NTRK2: variants seen among roughly 807,000 people sequenced by gnomAD.
NTRK2 encodes the protein BDNF/NT-3 growth factors receptor.
In NTRK2, 13 loss-of-function variants were observed where a neutral mutation model predicts 94.5. The ratio of observed to expected loss-of-function variants is 0.14; its 90% confidence interval spans 0.09 to 0.22. The LOEUF (loss-of-function observed/expected upper bound fraction) is 0.22. NTRK2 is among the 10% of genes least tolerant of loss of function. NTRK2 has a pLI of 1.00. For missense variants in NTRK2, 639 were observed against 1,071.2 expected (o/e 0.60, Z 5.63); for synonymous variants, 372 against 407.4 (o/e 0.91, Z 1.05).
At chr9:84,919,600 C>G (rs529661907) in intron 14 of NTRK2, among the ~76,000 whole-genome samples, 2 of 152,226 alleles carry the variant, frequency 1.3e-5, no homozygotes, top group South Asian at 4.2e-4. Context: ...CATTTTAATG[C>G]TCAAATAAAA....
At chr9:84,931,861 T>G (rs2078048467) in intron 14 of NTRK2, among the ~76,000 whole-genome samples, 1 of 152,176 alleles carries the variant, frequency 6.6e-6, no homozygotes, top group South Asian at 2.1e-4. Context: ...GGCAGCTAAT[T>G]ATCTGCAAGA....
intron 12 of NTRK2, among the ~76,000 whole-genome samples, chr9:84,856,658 G>A (rs2131946781): frequency 6.6e-6 from 1 of 152,184 alleles, no homozygotes; most frequent in Admixed American, 6.5e-5. Context: ...AGTGGGTGTG[G>A]GCCTAAGAAG....
chr9:84,860,939 C>G, intron 12 of NTRK2, 101 bp from the exon 13 acceptor site: 3 of 537,854 alleles, frequency 5.6e-6, no homozygotes, highest in East Asian at 3.5e-5. Flanking sequence ...TTATTTTTGT[C>G]GGGGGGAGTT....
chr9:84,850,561 A>T (rs1160638240), intron 12 of NTRK2, among the ~76,000 whole-genome samples: 2 of 152,196 alleles, frequency 1.3e-5, no homozygotes, highest in East Asian at 1.9e-4. Flanking sequence ...ATAAACCATT[A>T]TGTTCACCAA....
chr9:84,791,242 T>C (rs1228750519), intron 12 of NTRK2, among the ~76,000 whole-genome samples: 1 of 152,132 alleles, frequency 6.6e-6, no homozygotes, highest in Non-Finnish European at 1.5e-5. Context: ...ATTTCCAAAG[T>C]CCTCTCATTA....
At chr9:84,796,219 G>A (rs983928186) in intron 12 of NTRK2, among the ~76,000 whole-genome samples, 2 of 152,118 alleles carry the variant, frequency 1.3e-5, no homozygotes, top group African/African-American at 4.8e-5. Context: ...TTTCATATCT[G>A]CTATCCTCAG....
intron 5 of NTRK2, among the ~76,000 whole-genome samples, chr9:84,710,349 A>T (rs1216046103): frequency 6.6e-6 from 1 of 152,136 alleles, no homozygotes; most frequent in Non-Finnish European, 1.5e-5. Context: ...TCCCCATGTT[A>T]TGAGATGTTC....
At chr9:84,807,170 A>T (rs2071220598) in intron 12 of NTRK2, among the ~76,000 whole-genome samples, 1 of 152,226 alleles carries the variant, frequency 6.6e-6, no homozygotes, top group Non-Finnish European at 1.5e-5. Context: ...TGTACTGCAG[A>T]TCCTTGCCAT....
At chr9:84,690,504 A>G (rs1385543078) in intron 2 of NTRK2, among the ~76,000 whole-genome samples, 4 of 151,996 alleles carry the variant, frequency 2.6e-5, no homozygotes, top group Non-Finnish European at 5.9e-5. Flanking sequence ...GCTTGAAAGA[A>G]CAGGGAAAGA....
chr9:84,939,752 A>G (rs893150506), intron 15 of NTRK2, among the ~76,000 whole-genome samples: 1 of 152,170 alleles, frequency 6.6e-6, no homozygotes, highest in African/African-American at 2.4e-5. Flanking sequence ...TGGCTTCTAG[A>G]AATCCATGCT....
At chr9:84,707,533 G>A (rs2061180695) in intron 4 of NTRK2, among the ~76,000 whole-genome samples, 1 of 151,996 alleles carries the variant, frequency 6.6e-6, no homozygotes, top group Non-Finnish European at 1.5e-5. Flanking sequence ...TTGTTCAAAA[G>A]ATCAGGGTTT....
intron 17 of NTRK2, among the ~76,000 whole-genome samples, chr9:84,966,393 A>G (rs1278673377): frequency 6.6e-6 from 1 of 152,176 alleles, no homozygotes; most frequent in Non-Finnish European, 1.5e-5. Flanking sequence ...TTCTTAGCTG[A>G]GTCTGATGTC....
intron 14 of NTRK2, among the ~76,000 whole-genome samples, chr9:84,931,235 T>C (rs964832145): frequency 6.6e-6 from 1 of 152,002 alleles, no homozygotes; most frequent in Non-Finnish European, 1.5e-5. Context: ...TGAAACCCCA[T>C]CTCTACTAAA....
At chr9:84,677,782 G>A (rs2059151494) in intron 2 of NTRK2, among the ~76,000 whole-genome samples, 1 of 152,206 alleles carries the variant, frequency 6.6e-6, no homozygotes, top group African/African-American at 2.4e-5. Flanking sequence ...GCAGTGGGAA[G>A]GAGGTGGGCT....
intron 12 of NTRK2, among the ~76,000 whole-genome samples, chr9:84,836,979 A>C (rs2073914938): frequency 6.8e-6 from 1 of 147,938 alleles, no homozygotes; most frequent in East Asian, 1.9e-4. Flanking sequence ...ATATAATATA[A>C]TATAATAATA....
intron 17 of NTRK2, among the ~76,000 whole-genome samples, chr9:84,999,064 T>TG (rs1830067286): frequency 6.6e-6 from 1 of 152,222 alleles, no homozygotes. Flanking sequence ...CTGGAGCCCC[T>TG]GTCTTTGGCC....
intron 4 of NTRK2, among the ~76,000 whole-genome samples, 199 bp downstream of exon 4, chr9:84,702,618 A>G (rs762016810): frequency 1.8e-4 from 27 of 152,198 alleles, no homozygotes; most frequent in Non-Finnish European, 4.4e-5. Flanking sequence ...CAGGCTGTTT[A>G]TTCCCTTTCA....
chr9:84,887,864 A>T (rs2076465627), intron 14 of NTRK2, among the ~76,000 whole-genome samples: 1 of 152,234 alleles, frequency 6.6e-6, no homozygotes, highest in Non-Finnish European at 1.5e-5. Context: ...CTTAAAGGAA[A>T]GATTATTTGT....
chr9:84,742,890 T>C (rs2063772259), intron 10 of NTRK2, among the ~76,000 whole-genome samples: 1 of 137,680 alleles, frequency 7.3e-6, no homozygotes, highest in South Asian at 2.5e-4. Flanking sequence ...AACCTCCGCC[T>C]CCCGAGTTCA....
Sources: allele counts gnomAD v4.1 joint callset (sites outside exome capture counted in the v4.1 genomes callset), GRCh38; gene constraint gnomAD v4.1.1; transcripts MANE v1.5; gene names NCBI Gene and HGNC (gene_info 2026-07-23, HGNC 2026-07-21).